DHX33: variants seen among roughly 807,000 people sequenced by gnomAD.
The protein encoded by DHX33 is DEAH-box helicase 33.
In DHX33, 42 loss-of-function variants were observed where a neutral mutation model predicts 72.5. The observed-to-expected ratio is 0.58, with a 90% CI of 0.45 to 0.75. The LOEUF (loss-of-function observed/expected upper bound fraction) is 0.75. Among genes scored for constraint, DHX33 ranks in the 30% least tolerant of loss-of-function variants. The pLI, the probability that DHX33 is intolerant of heterozygous loss-of-function variation, is 0.00. For missense variants in DHX33, 842 were observed against 917.5 expected, an observed-to-expected ratio of 0.92 and a Z score of 1.06; for synonymous variants, 358 against 366.1, an observed-to-expected ratio of 0.98 and a Z score of 0.25.
At chr17:5,461,175 G>C in intron 3 of DHX33, 66 bp from the exon 4 acceptor site, 2 of 1,521,818 alleles carry the variant, frequency 1.3e-6, no homozygotes, top group South Asian at 2.5e-5. Flanking sequence ...TGTCCCTCTC[G>C]AGCCCCAAAA....
At position 5,468,941 on chromosome 17, in the gene DHX33, C is replaced by T; in HGVS notation, c.-82G>A. On this transcript the variant is annotated 5_prime_UTR_variant, in exon 1 of 12. Coordinates refer to ENST00000225296, the MANE Select transcript of DHX33 (RefSeq NM_020162.4). Reference sequence around the variant, plus strand: ...GGTGCAGACAACAGGAGCACACCGCCCCTTCCTCGCCGCCACGTGCTGGCG... The same window carrying T: ...GGTGCAGACAACAGGAGCACACCGCTCCTTCCTCGCCGCCACGTGCTGGCG... The T allele has an allele frequency of 7.2e-7, 1 of 1,389,174 alleles. No homozygotes were observed. The allele number at this position is 1,389,174 out of a possible 1,614,324, so 86.1% of individuals were successfully genotyped here.
At chr17:5,450,677 G>A (rs1200279995) in intron 9 of DHX33, 130 bp downstream of exon 9, 9 of 1,380,936 alleles carry the variant, frequency 6.5e-6, no homozygotes, top group African/African-American at 1.4e-5. Flanking sequence ...AGGGCTATTT[G>A]CAAACTAGGG....
chr17:5,450,101 A>T, intron 10 of DHX33, 102 bp downstream of exon 10: 1 of 1,436,104 alleles, frequency 7.0e-7, no homozygotes, highest in Non-Finnish European at 9.6e-7. Context: ...AATTTAGCCA[A>T]AAAGGGAAAG....
intron 3 of DHX33, among the ~76,000 whole-genome samples, chr17:5,461,524 T>C (rs1039962652): frequency 1.3e-5 from 2 of 150,124 alleles, no homozygotes; most frequent in Admixed American, 1.3e-4. Context: ...GAGGCTGAGG[T>C]AAGCAATGGC....
intron 1 of DHX33, 47 bp downstream of exon 1, chr17:5,468,524 A>T (rs1402584587): frequency 6.3e-7 from 1 of 1,580,766 alleles, no homozygotes; most frequent in Non-Finnish European, 8.6e-7. Flanking sequence ...GCTCTAGCTA[A>T]GCCACGGACG....
chr17:5,455,802 C>A (rs1370216964), intron 5 of DHX33, among the ~76,000 whole-genome samples, 195 bp downstream of exon 5: 1 of 152,218 alleles, frequency 6.6e-6, no homozygotes, highest in Non-Finnish European at 1.5e-5. Flanking sequence ...CAACAACTGT[C>A]TCCCTGCTCC....
At position 5,456,163 on chromosome 17, in the gene DHX33, T is replaced by C. The variant is rs1393943066; in HGVS notation, c.869A>G (p.Asp290Gly). Residue 290 changes from aspartate to glycine, a missense_variant, in exon 5 of 12, where the codon GAC becomes GGC. Transcript: ENST00000225296. The stretch of plus-strand genomic sequence containing the variant: ...CTGCCCAGTGAGGAACACCAGGATG[T>C]CCTGTGAAGAAGGGGCTTCCTGTAA... ...QIHQEAPSSQ[D>G]ILVFLTGQEE... The C allele has an allele frequency of 9.3e-6, 15 of 1,613,936 alleles. No individual in the cohort carries two copies. The highest frequency in any genetic ancestry group is 1.3e-5 in the Non-Finnish European group (15 of 1,179,940).
At chr17:5,456,933 C>G (rs1904346050) in intron 4 of DHX33, among the ~76,000 whole-genome samples, 1 of 152,228 alleles carries the variant, frequency 6.6e-6, no homozygotes, top group African/African-American at 2.4e-5. Context: ...GCTTGAGATA[C>G]TGAGGTTAAT....
intron 8 of DHX33, among the ~76,000 whole-genome samples, chr17:5,451,528 T>G (rs949481932): frequency 1.2e-4 from 18 of 152,262 alleles, no homozygotes; most frequent in Non-Finnish European, 2.2e-4. Context: ...CAGATACACA[T>G]CGCACAGAGA....
intron 11 of DHX33, among the ~76,000 whole-genome samples, chr17:5,448,509 T>C (rs1283783161): frequency 2.0e-5 from 3 of 152,184 alleles, no homozygotes; most frequent in South Asian, 2.1e-4. Context: ...CAGATATTCA[T>C]ACTTAAAAAA....
intron 1 of DHX33, among the ~76,000 whole-genome samples, chr17:5,465,906 T>C (rs1904859194): frequency 6.6e-6 from 1 of 152,194 alleles, no homozygotes; most frequent in South Asian, 2.1e-4. Context: ...CCTTCTGCAG[T>C]GCACCATCCT....
intron 1 of DHX33, among the ~76,000 whole-genome samples, chr17:5,466,159 A>G (rs1026140951): frequency 2.6e-5 from 4 of 152,244 alleles, no homozygotes; most frequent in African/African-American, 9.6e-5. Flanking sequence ...CGTACAGTAG[A>G]AACTGTACTT....
At position 5,468,917 on chromosome 17, in the gene DHX33, G is replaced by T; in HGVS notation, c.-58C>A. 1.9e-6 allele frequency: 3 copies of T among 1,541,548 alleles called. No individual in the cohort carries two copies. Among genetic ancestry groups the T allele is most frequent in the Non-Finnish European group, 2.6e-6 (3 of 1,142,032 alleles). ...GCCGAGAGCTCCTGCCCCCTCTCAGGTGCAGACAACAGGAGCACACCGCCC... is the reference window on the plus strand; with the variant it reads ...GCCGAGAGCTCCTGCCCCCTCTCAGTTGCAGACAACAGGAGCACACCGCCC... On this transcript the variant is annotated 5_prime_UTR_variant, in exon 1 of 12. Transcript: ENST00000225296.
intron 4 of DHX33, among the ~76,000 whole-genome samples, chr17:5,456,770 A>C (rs899701346): frequency 1.3e-5 from 2 of 152,232 alleles, no homozygotes; most frequent in Admixed American, 6.5e-5. Flanking sequence ...AAGCATCTTG[A>C]AAAATGAAGT....
rs776603746 is a variant in DHX33, at chr17:5,463,692, A to G, written c.290-3T>C. 2 of 1,577,770 alleles carry G rather than the reference A, an allele frequency of 1.3e-6. No homozygotes were observed. The highest frequency in any genetic ancestry group is 1.2e-5 in the South Asian group (1 of 86,210). ...TGTCTTCCCAGAGCCAGTTTCCCCT[A>G]GGAGAGAGGGGGAAAAAAAAAAAAG... On this transcript the variant is annotated splice_region_variant and splice_polypyrimidine_tract_variant and intron_variant, in intron 1 of 11. Coordinates refer to ENST00000225296, the MANE Select transcript of DHX33 (RefSeq NM_020162.4).
chr17:5,465,970 G>C lies in DHX33; in HGVS notation c.290-2281C>G, dbSNP rs375069314. 5.2e-4 allele frequency among the ~76,000 whole-genome samples: 79 copies of C among 152,214 alleles called. 1 individual carries two copies. The highest frequency in any genetic ancestry group is 1.9e-3 in the African/African-American group (77 of 41,544). On this transcript the variant is annotated intron_variant, in intron 1 of 11. Coordinates refer to ENST00000225296, the MANE Select transcript of DHX33 (RefSeq NM_020162.4). ...TTAGCCTTCCTCCTCTTCCAGACCAGCCCTGCATCTAGCCCTTGTGGCCAA... is the reference window on the plus strand; with the variant it reads ...TTAGCCTTCCTCCTCTTCCAGACCACCCCTGCATCTAGCCCTTGTGGCCAA...
intron 2 of DHX33, among the ~76,000 whole-genome samples, chr17:5,462,915 T>TA (rs371846780): frequency 3.3e-5 from 5 of 151,944 alleles, no homozygotes; most frequent in African/African-American, 9.6e-5. Flanking sequence ...CCGTCTCTAC[T>TA]AAAAAATACA....
At position 5,455,250 on chromosome 17, in the gene DHX33, A is replaced by C; in HGVS notation, c.1057T>G (p.Ser353Ala). The change falls in exon 6 of 12, where the codon TCA (serine) becomes GCA (alanine). Residue 353 changes from serine to alanine, a missense_variant. Physicochemically the swap from Ser to Ala is moderately conservative, Grantham distance 99 (BLOSUM62 1). Transcript: ENST00000225296. ...APKGYRKVIISTNIAETSITI... is the reference protein window; with the variant it reads ...APKGYRKVIIATNIAETSITI... ...ATGGAGGTTTCAGCGATGTTGGTTG[A>C]AATGATCACTTTGCGATAGCCCTAA... The C allele has an allele frequency of 6.2e-7, 1 of 1,614,208 alleles. No homozygotes were observed. Among genetic ancestry groups the C allele is most frequent in the Non-Finnish European group, 8.5e-7 (1 of 1,180,024 alleles).
rs774279581 is a variant in DHX33, at chr17:5,444,507, T to C, written c.1822A>G (p.Met608Val). ...QLRDICLKMS[M>V]PIASSRGDVE... ...TCTCCTCGGGATGATGCGATTGGCA[T>C]TGACATCTGTTTCGGGAGAAAGCGA... Residue 608 changes from methionine to valine, a missense_variant, in exon 12 of 12, where the codon ATG becomes GTG. Coordinates refer to ENST00000225296, the MANE Select transcript of DHX33 (RefSeq NM_020162.4). This position sits in a 1 kb window ranked among gnomAD's most constrained non-coding sequence, Gnocchi z 4.9. 12 of 1,613,234 alleles carry C rather than the reference T, an allele frequency of 7.4e-6. No homozygotes were observed. Among genetic ancestry groups the C allele is most frequent in the East Asian group, 6.7e-5 (3 of 44,860 alleles).
Sources: gnomAD v4.1 joint callset for allele counts (sites outside exome capture counted in the v4.1 genomes callset) on GRCh38, gnomAD v4.1.1 for gene constraint, Gnocchi (gnomAD v3.1) non-coding constraint, MANE v1.5 for transcripts, NCBI Gene and HGNC (gene_info 2026-07-23, HGNC 2026-07-21) for gene names.